CNKSR2: variants seen among roughly 807,000 people sequenced by gnomAD.
CNKSR2 encodes the protein CNK homolog protein 2.
CNKSR2 carries 14 observed loss-of-function variants against 84.4 expected under a neutral mutation model. That is an observed-to-expected ratio of 0.17 (90% CI 0.11 to 0.26). The LOEUF (loss-of-function observed/expected upper bound fraction) is 0.26, where lower values mean the gene tolerates loss of function less well. Among genes scored for constraint, CNKSR2 ranks in the 10% least tolerant of loss-of-function variants. CNKSR2 has a pLI of 1.00. For missense variants in CNKSR2, 485 were observed against 771.2 expected (o/e 0.63, Z 4.40); for synonymous variants, 275 against 277.9 (o/e 0.99, Z 0.10).
At chrX:21,564,599 A>C (rs1299273927) in intron 13 of CNKSR2, among the ~76,000 whole-genome samples, 3 of 111,754 alleles carry the variant, frequency 2.7e-5, no homozygotes, top group Non-Finnish European at 5.7e-5. Context: ...AATATCAAAA[A>C]AATTTTAATC....
At chrX:21,515,557 T>A (rs188083732) in intron 8 of CNKSR2, among the ~76,000 whole-genome samples, 4,593 of 110,759 alleles carry the variant, frequency 0.041, 134 homozygotes, top group African/African-American at 0.1. Flanking sequence ...GAATTTTTTT[T>A]AAAAAAAACT....
At chrX:21,534,490 T>C (rs1250237019) in intron 11 of CNKSR2, among the ~76,000 whole-genome samples, 1 of 110,550 alleles carries the variant, frequency 9.0e-6, no homozygotes, top group African/African-American at 3.3e-5. Flanking sequence ...GTCCTGTTTT[T>C]AGTTTTTTAA....
chrX:21,591,252 ATTTTGAGACTTATATTT>A (rs2092418690), intron 15 of CNKSR2, 58 bp downstream of exon 15: 1 of 965,046 alleles, frequency 1.0e-6, no homozygotes, highest in Non-Finnish European at 1.4e-6. Flanking sequence ...CAAAAGAATC[ATTTTGAGACTTATATTT>A]TAAAATCGTA....
At chrX:21,641,780 C>A in intron 20 of CNKSR2, 1 of 1,017,979 alleles carries the variant, frequency 9.8e-7, no homozygotes, top group Non-Finnish European at 1.2e-6. Flanking sequence ...GATTGGGGGC[C>A]TCCCAAAGGG....
chrX:21,557,291 T>G (rs1318089762), intron 11 of CNKSR2, among the ~76,000 whole-genome samples: 1 of 111,501 alleles, frequency 9.0e-6, no homozygotes, highest in East Asian at 2.8e-4. Flanking sequence ...TTGTCTATAT[T>G]CTTAAAATTG....
In CNKSR2 at chrX:21,515,741, G is replaced by A. The variant is rs763511626; in HGVS notation, c.811-744G>A. Among the ~76,000 whole-genome samples, 10 of 111,450 alleles carry A rather than the reference G, an allele frequency of 9.0e-5. No homozygotes were observed. The South Asian group carries it at 1.9e-3, about 21-fold the overall frequency. Reference sequence around the variant, plus strand: ...TTTAACAGGGGATGCAGTTGAGCCCGATTTCAAGACATTTATCAAGTACTT... The same window carrying A: ...TTTAACAGGGGATGCAGTTGAGCCCAATTTCAAGACATTTATCAAGTACTT... On this transcript the variant is annotated intron_variant, in intron 8 of 21. Transcript: ENST00000379510.
At chrX:21,447,959 A>T (rs958577570) in intron 4 of CNKSR2, among the ~76,000 whole-genome samples, 4 of 111,389 alleles carry the variant, frequency 3.6e-5, no homozygotes, top group Admixed American at 2.9e-4. Flanking sequence ...GCCTCAAGTG[A>T]TTCAAATACG....
At chrX:21,626,627 T>C in intron 20 of CNKSR2, among the ~76,000 whole-genome samples, 1 of 111,433 alleles carries the variant, frequency 9.0e-6, no homozygotes, top group Non-Finnish European at 1.9e-5. Flanking sequence ...TCTTGAAGAG[T>C]AAAATGGAAA....
At chrX:21,461,664 T>C (rs2091063409) in intron 4 of CNKSR2, among the ~76,000 whole-genome samples, 1 of 112,513 alleles carries the variant, frequency 8.9e-6, no homozygotes, top group South Asian at 3.6e-4. Flanking sequence ...GTTTCATAGG[T>C]TGAGGTCTTA....
Position 21,374,594 on chromosome X carries a change from G to GGCAGCAGCAGCA in CNKSR2, c.-277_-266dup, listed in dbSNP as rs3217648. The GGCAGCAGCAGCA allele has an allele frequency of 0.014, 6,342 of 455,301 alleles. 832 individuals are homozygous for GGCAGCAGCAGCA. The highest frequency in any genetic ancestry group is 0.02 in the Non-Finnish European group (5,206 of 258,221). 37.5% of individuals were successfully genotyped at this position (455,301 alleles called of 1,213,427 possible). ...ACGGAGACCGGAGCGGAGCGGCGGAGGCAGCAGCAGCAGCAGCAGCAGCAG... is the reference window on the plus strand; with the variant it reads ...ACGGAGACCGGAGCGGAGCGGCGGAGGCAGCAGCAGCAGCAGCAGCAGCAGCAGCAGCAGCAG... On this transcript the variant is annotated 5_prime_UTR_variant, in exon 1 of 22. Coordinates refer to ENST00000379510, the MANE Select transcript of CNKSR2 (RefSeq NM_014927.5).
chrX:21,613,976 C>T (rs1030428192), intron 20 of CNKSR2, among the ~76,000 whole-genome samples: 3 of 109,251 alleles, frequency 2.7e-5, no homozygotes, highest in African/African-American at 1.0e-4. Context: ...AAAAATTAGC[C>T]GGTCTTATAA....
At chrX:21,625,619 C>A (rs771901742) in intron 20 of CNKSR2, among the ~76,000 whole-genome samples, 1 of 112,213 alleles carries the variant, frequency 8.9e-6, no homozygotes, top group South Asian at 3.7e-4. Flanking sequence ...CAATGTAGGT[C>A]ATTCAAAGAA....
chrX:21,432,796 T>G lies in CNKSR2; in HGVS notation c.413T>G (p.Leu138Arg). 1 of 1,208,796 alleles carries G rather than the reference T, an allele frequency of 8.3e-7. No homozygotes were observed. The highest frequency in any genetic ancestry group is 1.1e-6 in the Non-Finnish European group (1 of 894,721). The change falls in exon 3 of 22, where the codon CTG becomes CGG. Residue 138 changes from leucine to arginine, a missense_variant. By Grantham distance (102) the Leu-to-Arg change is moderately radical. Coordinates refer to ENST00000379510, the MANE Select transcript of CNKSR2 (RefSeq NM_014927.5). Reference sequence around the variant, plus strand: ...GATCTGATTGGAGCAGCCAAGAGTCTGCTTGCCTGGTTGGACAGGTAAAGT... The same window carrying G: ...GATCTGATTGGAGCAGCCAAGAGTCGGCTTGCCTGGTTGGACAGGTAAAGT... ...VVDLIGAAKSLLAWLDRSPFA... is the reference protein window; with the variant it reads ...VVDLIGAAKSRLAWLDRSPFA...
At chrX:21,450,735 A>G (rs1485172399) in intron 4 of CNKSR2, among the ~76,000 whole-genome samples, 1 of 111,910 alleles carries the variant, frequency 8.9e-6, no homozygotes. Flanking sequence ...TCCTTGGGAT[A>G]TAGTAGATGG....
chrX:21,523,383 G>C (rs754049065), intron 9 of CNKSR2, among the ~76,000 whole-genome samples: 1 of 111,228 alleles, frequency 9.0e-6, no homozygotes, highest in Non-Finnish European at 1.9e-5. Context: ...TTATCCATAA[G>C]TGTTGATAGT....
At chrX:21,631,427 C>T (rs951112831) in intron 20 of CNKSR2, among the ~76,000 whole-genome samples, 3 of 112,303 alleles carry the variant, frequency 2.7e-5, no homozygotes, top group African/African-American at 6.5e-5. Context: ...ATTTTTCCTT[C>T]GAAGTTCTAC....
At chrX:21,404,789 C>CA (rs59192713) in intron 1 of CNKSR2, among the ~76,000 whole-genome samples, 6,503 of 29,671 alleles carry the variant, frequency 0.22, 618 homozygotes, top group African/African-American at 0.27. Flanking sequence ...AACTCTGTCT[C>CA]AAAAAAAAAA....
chrX:21,464,945 C>T (rs2091107920), intron 4 of CNKSR2, among the ~76,000 whole-genome samples: 1 of 112,254 alleles, frequency 8.9e-6, no homozygotes, highest in African/African-American at 3.2e-5. Context: ...ATTATTTTCT[C>T]TGCCTTCTTT....
chrX:21,419,435 T>G (rs990483393), intron 1 of CNKSR2, among the ~76,000 whole-genome samples: 2 of 111,253 alleles, frequency 1.8e-5, no homozygotes, highest in Admixed American at 1.9e-4. Context: ...AGGTTATGTT[T>G]TCCTGAATTG....
Sources: gnomAD v4.1 joint callset for allele counts (sites outside exome capture counted in the v4.1 genomes callset) on GRCh38, gnomAD v4.1.1 for gene constraint, MANE v1.5 for transcripts, NCBI Gene and HGNC (gene_info 2026-07-23, HGNC 2026-07-21) for gene names.